Variants in SH3RF2 observed in about 807,000 individuals in gnomAD.
The protein encoded by SH3RF2 is E3 ubiquitin-protein ligase SH3RF2.
In SH3RF2, 43 loss-of-function variants were observed where a neutral mutation model predicts 59.0. The observed-to-expected ratio is 0.73, with a 90% CI of 0.57 to 0.94. The LOEUF (loss-of-function observed/expected upper bound fraction) is 0.94, where lower values mean the gene tolerates loss of function less well. Ranked by LOEUF, SH3RF2 falls within the 40% of genes least tolerant of loss-of-function variation. The probability of loss-of-function intolerance (pLI) is 0.00; values close to 1 mark genes in which losing one functional copy is unlikely to be tolerated. For missense variants in SH3RF2, 930 were observed against 940.1 expected, an observed-to-expected ratio of 0.99 and a Z score of 0.14; for synonymous variants, 391 against 391.5, an observed-to-expected ratio of 1.00 and a Z score of 0.01.
At chr5:146,081,424 G>A (rs1015103406) in exon 10 of SH3RF2, 3 of 152,110 alleles carry the variant, frequency 2.0e-5, no homozygotes, top group Admixed American at 6.5e-5. Flanking sequence ...TATGTTCTGT[G>A]ATTCTGTGGT....
chr5:146,063,685 C>T (rs1279498410), downstream of SH3RF2, among the ~76,000 whole-genome samples: 1 of 152,060 alleles, frequency 6.6e-6, no homozygotes, highest in Admixed American at 6.6e-5. Flanking sequence ...CATGATCAAA[C>T]CCCATCTCTA....
chr5:145,971,892 G>A (rs1198725840), intron 2 of SH3RF2, among the ~76,000 whole-genome samples: 1 of 152,058 alleles, frequency 6.6e-6, no homozygotes, highest in Non-Finnish European at 1.5e-5. Context: ...TGATGATGAT[G>A]ATGATGATGA....
intron 5 of SH3RF2, among the ~76,000 whole-genome samples, chr5:146,026,521 A>G (rs933404954): frequency 4.6e-5 from 7 of 152,174 alleles, no homozygotes; most frequent in Admixed American, 3.9e-4. Flanking sequence ...ACAGGGAAAG[A>G]GCTGTTTCTA....
intron 4 of SH3RF2, among the ~76,000 whole-genome samples, chr5:146,011,409 C>G (rs1760892535): frequency 6.6e-6 from 1 of 152,100 alleles, no homozygotes; most frequent in Admixed American, 6.5e-5. Context: ...TTTAAAAATT[C>G]TGTGAAGAAA....
downstream of SH3RF2, among the ~76,000 whole-genome samples, chr5:146,064,709 A>AG (rs1763025147): frequency 3.6e-5 from 1 of 28,154 alleles, no homozygotes; most frequent in African/African-American, 1.3e-4. Flanking sequence ...AAAGAAAGAA[A>AG]GAAAGAAAGA....
At chr5:145,951,546 A>G (rs574446946) in intron 2 of SH3RF2, among the ~76,000 whole-genome samples, 45 of 152,218 alleles carry the variant, frequency 3.0e-4, no homozygotes, top group African/African-American at 1.0e-3. Flanking sequence ...CACCCCTCCT[A>G]TGCTTCAGTC....
intron 1 of SH3RF2, 45 bp from the exon 2 acceptor site, chr5:145,937,778 G>C (rs7720187): frequency 1.0e-5 from 9 of 868,410 alleles, no homozygotes; most frequent in Admixed American, 7.1e-5. Flanking sequence ...TATACCTCTC[G>C]GAGCAGTCAC....
intron 5 of SH3RF2, among the ~76,000 whole-genome samples, chr5:146,043,295 G>A (rs1220943924): frequency 6.6e-6 from 1 of 151,932 alleles, no homozygotes; most frequent in African/African-American, 2.4e-5. Flanking sequence ...CCCATTCTTG[G>A]TTTCTCTCCT....
chr5:146,046,084 C>G (rs1249306846), intron 5 of SH3RF2, among the ~76,000 whole-genome samples: 1 of 152,182 alleles, frequency 6.6e-6, no homozygotes, highest in Non-Finnish European at 1.5e-5. Flanking sequence ...CAATCATTGA[C>G]GTAGACACAT....
downstream of SH3RF2, among the ~76,000 whole-genome samples, chr5:146,064,803 GGAAGGAAA>G (rs1763048632): frequency 1.1e-3 from 23 of 20,840 alleles, no homozygotes; most frequent in African/African-American, 2.7e-3. Context: ...AAGGAAGGAA[GGAAGGAAA>G]GAAAGAAAGA....
chr5:146,032,520 C>T (rs1290620497), intron 5 of SH3RF2, among the ~76,000 whole-genome samples: 3 of 152,050 alleles, frequency 2.0e-5, no homozygotes, highest in Admixed American at 6.5e-5. Context: ...CTGACCAAAA[C>T]TCTTGAAAAA....
chr5:146,021,707 C>A (rs1037112781), intron 5 of SH3RF2, among the ~76,000 whole-genome samples: 13 of 152,288 alleles, frequency 8.5e-5, no homozygotes, highest in African/African-American at 3.1e-4. Context: ...AGGCCTCCCA[C>A]CTCTCTCTCT....
intron 4 of SH3RF2, among the ~76,000 whole-genome samples, chr5:146,007,445 T>A (rs1160791): frequency 6.6e-6 from 1 of 151,930 alleles, no homozygotes; most frequent in Non-Finnish European, 1.5e-5. Flanking sequence ...TGGGTAGGAG[T>A]GGAAGTTAGG....
chr5:146,014,067 G>A lies in SH3RF2; in HGVS notation c.1059+6G>A. On this transcript the variant is annotated splice_donor_region_variant and intron_variant, in intron 5 of 9. Transcript: ENST00000359120. ...CTTCCAGCTGTGTGGGACAGGTAGG[G>A]AAGAAACGCCTGGGATGAGGGCACT... 1 of 1,611,762 alleles carries A rather than the reference G, an allele frequency of 6.2e-7. No individual in the cohort carries two copies. Among genetic ancestry groups the A allele is most frequent in the Non-Finnish European group, 8.5e-7 (1 of 1,179,476 alleles).
At chr5:145,961,175 T>A (rs1020664796) in intron 2 of SH3RF2, among the ~76,000 whole-genome samples, 2 of 87,602 alleles carry the variant, frequency 2.3e-5, no homozygotes, top group African/African-American at 7.9e-5. Flanking sequence ...TGCATCCTCC[T>A]TTTTTTTTTT....
At chr5:146,008,382 GA>G (rs1170804033) in intron 4 of SH3RF2, among the ~76,000 whole-genome samples, 1 of 152,146 alleles carries the variant, frequency 6.6e-6, no homozygotes, top group Non-Finnish European at 1.5e-5. Flanking sequence ...GGTGGAAGCA[GA>G]AAAAATTAAC....
At chr5:146,055,313 C>G (rs923611656) in intron 7 of SH3RF2, among the ~76,000 whole-genome samples, 5 of 152,172 alleles carry the variant, frequency 3.3e-5, no homozygotes, top group Non-Finnish European at 5.9e-5. Flanking sequence ...CTGTATAAGT[C>G]TTTGTGTTTT....
At chr5:145,988,027 A>G (rs930422285) in intron 2 of SH3RF2, among the ~76,000 whole-genome samples, 3 of 152,214 alleles carry the variant, frequency 2.0e-5, no homozygotes, top group Admixed American at 6.5e-5. Context: ...AGTTTATTCC[A>G]GTGAAAGAAA....
In SH3RF2 at chr5:146,077,377, T is replaced by G. The variant is rs185032690; in HGVS notation, c.*34-1083T>G. On this transcript the variant is annotated intron_variant, in intron 9 of 9. Transcript: ENST00000511217. Reference sequence around the variant, plus strand: ...AATATTTGAGACCTCAGAGAAATTCTGGGGGCTCATGGATTTTAACTTTTT... The same window carrying G: ...AATATTTGAGACCTCAGAGAAATTCGGGGGGCTCATGGATTTTAACTTTTT... 1.5e-3 allele frequency among the ~76,000 whole-genome samples: 233 copies of G among 152,368 alleles called. 1 individual carries two copies. The highest frequency in any genetic ancestry group is 1.2e-3 in the Non-Finnish European group (82 of 68,038).
Sources: gnomAD v4.1 joint callset for allele counts (sites outside exome capture counted in the v4.1 genomes callset) on GRCh38, gnomAD v4.1.1 for gene constraint, MANE v1.5 for transcripts, NCBI Gene and HGNC (gene_info 2026-07-23, HGNC 2026-07-21) for gene names.